PCDHA13: variants seen among roughly 807,000 people sequenced by gnomAD.
The protein encoded by PCDHA13 is protocadherin alpha 13, also known as protocadherin alpha-13.
PCDHA13 carries 54 observed loss-of-function variants against 64.8 expected under a neutral mutation model. That is an observed-to-expected ratio of 0.83 (90% CI 0.67 to 1.04). The LOEUF (loss-of-function observed/expected upper bound fraction) is 1.04, where lower values mean the gene tolerates loss of function less well. Among genes scored for constraint, PCDHA13 ranks in the 50% least tolerant of loss-of-function variants. The pLI, the probability that PCDHA13 is intolerant of heterozygous loss-of-function variation, is 0.00. For synonymous variants in PCDHA13, 587 were observed against 564.4 expected, an observed-to-expected ratio of 1.04 and a Z score of -0.57; for missense variants, 1,248 against 1,254.3, an observed-to-expected ratio of 0.99 and a Z score of 0.08.
chr5:140,886,827 G>GAAAAAAAAA, intron 1 of PCDHA13, among the ~76,000 whole-genome samples: 1 of 60,890 alleles, frequency 1.6e-5, no homozygotes, highest in Non-Finnish European at 3.3e-5. Flanking sequence ...ACTTCGTCTT[G>GAAAAAAAAA]AAAAAAAAAA....
chr5:140,968,932 A>G, intron 1 of PCDHA13: 3 of 1,614,164 alleles, frequency 1.9e-6, no homozygotes, highest in Non-Finnish European at 2.5e-6. Flanking sequence ...TTCTTTTGAC[A>G]ATCATCATTT....
chr5:141,005,000 G>A (rs2098192261), intron 3 of PCDHA13, among the ~76,000 whole-genome samples: 1 of 152,176 alleles, frequency 6.6e-6, no homozygotes, highest in Non-Finnish European at 1.5e-5. Context: ...GGTCTCCTAA[G>A]CCCTGAGAGC....
At chr5:140,987,515 T>TA (rs2097257557) in intron 3 of PCDHA13, among the ~76,000 whole-genome samples, 1 of 152,160 alleles carries the variant, frequency 6.6e-6, no homozygotes, top group African/African-American at 2.4e-5. Flanking sequence ...TGCCACTCAG[T>TA]AATTGTATGT....
At chr5:140,928,690 A>G in intron 1 of PCDHA13, 3 of 1,614,180 alleles carry the variant, frequency 1.9e-6, no homozygotes, top group Non-Finnish European at 2.5e-6. Flanking sequence ...TTCCTACCAC[A>G]TCTCCCGGGC....
chr5:140,952,338 CAAA>C (rs55931446), intron 1 of PCDHA13, among the ~76,000 whole-genome samples: 80,539 of 134,836 alleles, frequency 0.6, 22,945 homozygotes, highest in African/African-American at 0.71. Context: ...AACTCCATCT[CAAA>C]AAAAAAAAAA....
At chr5:140,923,219 CGTTTG>C (rs2081242278) in intron 1 of PCDHA13, among the ~76,000 whole-genome samples, 3 of 151,974 alleles carry the variant, frequency 2.0e-5, no homozygotes, top group Admixed American at 1.3e-4. Context: ...GTGAAAGGAT[CGTTTG>C]AGCCCAGAAG....
intron 3 of PCDHA13, among the ~76,000 whole-genome samples, chr5:140,993,704 A>G (rs1032326931): frequency 3.3e-5 from 5 of 152,172 alleles, no homozygotes; most frequent in African/African-American, 1.2e-4. Flanking sequence ...TTGTAATACC[A>G]TATTTTTACT....
chr5:140,981,779 A>G (rs1231046614), intron 2 of PCDHA13, among the ~76,000 whole-genome samples: 2 of 151,974 alleles, frequency 1.3e-5, no homozygotes, highest in Non-Finnish European at 2.9e-5. Flanking sequence ...ATACTGCACC[A>G]TGTTCTCTTT....
chr5:140,938,293 C>T (rs896897734), intron 1 of PCDHA13, among the ~76,000 whole-genome samples: 2 of 152,110 alleles, frequency 1.3e-5, no homozygotes, highest in African/African-American at 4.8e-5. Flanking sequence ...CTGTCATTGC[C>T]TATGAAATTC....
chr5:140,933,586 T>A (rs1474110331), intron 1 of PCDHA13, among the ~76,000 whole-genome samples: 1 of 152,108 alleles, frequency 6.6e-6, no homozygotes, highest in Non-Finnish European at 1.5e-5. Flanking sequence ...AGTGGGTTTT[T>A]AGGTTGATTT....
intron 1 of PCDHA13, among the ~76,000 whole-genome samples, chr5:140,914,983 G>C (rs2076933598): frequency 7.2e-6 from 1 of 139,166 alleles, no homozygotes; most frequent in Non-Finnish European, 1.5e-5. Context: ...GTCTTGCTCT[G>C]CTACCAGGCT....
chr5:140,927,755 C>G (rs1388061408), intron 1 of PCDHA13: 6 of 1,614,196 alleles, frequency 3.7e-6, no homozygotes, highest in Non-Finnish European at 5.1e-6. Flanking sequence ...CACGTGCACC[C>G]TAAAAGTGGG....
At chr5:140,904,303 G>A (rs1176685220) in intron 1 of PCDHA13, among the ~76,000 whole-genome samples, 3 of 151,902 alleles carry the variant, frequency 2.0e-5, no homozygotes, top group African/African-American at 7.3e-5. Flanking sequence ...CCATTCCTGA[G>A]TTTCTTCACT....
At chr5:140,981,203 C>T (rs2096922514) in intron 2 of PCDHA13, among the ~76,000 whole-genome samples, 1 of 152,212 alleles carries the variant, frequency 6.6e-6, no homozygotes, top group South Asian at 2.1e-4. Flanking sequence ...TCTGTTGCCT[C>T]ATATAACCCC....
Position 140,899,489 on chromosome 5 carries a change from A to G in PCDHA13, c.2394+14827A>G, listed in dbSNP as rs1445369123. 2.0e-5 allele frequency among the ~76,000 whole-genome samples: 3 copies of G among 152,246 alleles called. 1 individual carries two copies. Among genetic ancestry groups the G allele is most frequent in the Non-Finnish European group, 4.4e-5 (3 of 68,052 alleles). On this transcript the variant is annotated intron_variant, in intron 1 of 3. Coordinates refer to ENST00000289272, the MANE Select transcript of PCDHA13 (RefSeq NM_018904.3). ...TTTGGTTCTGTTTATATGCTGGATT[A>G]CATTTATTGATTTGCATATATTGCA...
rs185481644 is a variant in PCDHA13, at chr5:140,906,049, T to C, written c.2394+21387T>C. 1.7e-3 allele frequency among the ~76,000 whole-genome samples: 263 copies of C among 152,304 alleles called. 2 individuals are homozygous for C. Among genetic ancestry groups the C allele is most frequent in the African/African-American group, 5.9e-3 (247 of 41,562 alleles). ...TTCTTCTGTCTGCTTTTATTCTGGC[T>C]GCACTGGCAGCTGATTAGATCGCAC... On this transcript the variant is annotated intron_variant, in intron 1 of 3. Transcript: ENST00000289272.
intron 1 of PCDHA13, among the ~76,000 whole-genome samples, chr5:140,954,580 T>C (rs1193569920): frequency 1.3e-5 from 2 of 152,174 alleles, no homozygotes; most frequent in African/African-American, 4.8e-5. Flanking sequence ...TTTTCAGAAG[T>C]GTCTGTTCAT....
chr5:141,003,608 C>T (rs951443168), intron 3 of PCDHA13, among the ~76,000 whole-genome samples: 3 of 152,136 alleles, frequency 2.0e-5, no homozygotes, highest in East Asian at 1.9e-4. Flanking sequence ...CCACCATTCC[C>T]GGCCCCAGAG....
intron 3 of PCDHA13, among the ~76,000 whole-genome samples, chr5:141,000,385 C>CAA (rs1399640915): frequency 2.3e-4 from 15 of 64,992 alleles, no homozygotes; most frequent in African/African-American, 9.7e-4. Context: ...CTCTCTCTCT[C>CAA]TCTCTCTCTC....
Sources: gnomAD v4.1 joint callset for allele counts (sites outside exome capture counted in the v4.1 genomes callset) on GRCh38, gnomAD v4.1.1 for gene constraint, MANE v1.5 for transcripts, NCBI Gene and HGNC (gene_info 2026-07-23, HGNC 2026-07-21) for gene names.